The following MAPK8IP1 variants were observed in gnomAD, a reference collection of about 807,000 sequenced individuals.
The protein encoded by MAPK8IP1 is mitogen-activated protein kinase 8 interacting protein 1.
MAPK8IP1 carries 17 observed loss-of-function variants against 72.6 expected under a neutral mutation model. The observed-to-expected ratio is 0.23, with a 90% CI of 0.16 to 0.35. The LOEUF (loss-of-function observed/expected upper bound fraction) is 0.35. MAPK8IP1 is among the 10% of genes least tolerant of loss of function. The pLI, the probability that MAPK8IP1 is intolerant of heterozygous loss-of-function variation, is 1.00. For synonymous variants in MAPK8IP1, 401 were observed against 443.4 expected (o/e 0.90, Z 1.20); for missense variants, 789 against 1,009.7 (o/e 0.78, Z 2.96).
Position 45,902,481 on chromosome 11 carries a change from C to T in MAPK8IP1, c.714C>T (p.Arg238=), listed in dbSNP as rs1056151773. ...GCACCTCCACCGACAGCCCTTGCCG[C>T]CGCAGCACAGCCACCCAGATGGCAC... ...DRGTSTDSPC[R]RSTATQMAPP... The change falls in exon 5 of 12, where the codon CGC becomes CGT. Residue 238 remains arginine, a synonymous_variant. Transcript: ENST00000241014. This position sits in a 1 kb window ranked among gnomAD's most constrained non-coding sequence, Gnocchi z 9.3. 2.5e-6 allele frequency: 4 copies of T among 1,605,458 alleles called. No individual in the cohort carries two copies. Among genetic ancestry groups the T allele is most frequent in the Non-Finnish European group, 2.5e-6 (3 of 1,176,770 alleles).
intron 1 of MAPK8IP1, chr11:45,896,689 C>G (rs1422607685): frequency 7.1e-7 from 1 of 1,409,278 alleles, no homozygotes. Flanking sequence ...GCAGCTGCAG[C>G]CTCCTCTCCT....
Position 45,906,126 on chromosome 11 carries a change from G to C in MAPK8IP1, c.*405G>C, listed in dbSNP as rs1198494102. On this transcript the variant is annotated 3_prime_UTR_variant, in exon 12 of 12. Transcript: ENST00000241014. The stretch of plus-strand genomic sequence containing the variant: ...TGCCTTGATGAAGCCTGTGCCACCT[G>C]CAAGTGCCCGCCCTGCCCCTGCCCC... 1 of 375,644 alleles carries C rather than the reference G, an allele frequency of 2.7e-6. No homozygotes were observed. The highest frequency in any genetic ancestry group is 5.2e-5 in the East Asian group (1 of 19,316). 23.3% of individuals were successfully genotyped at this position (375,644 alleles called of 1,614,324 possible).
rs1389868582 is a variant in MAPK8IP1, at chr11:45,904,382, C to T, written c.1667-73C>T. 11 of 1,343,568 alleles carry T rather than the reference C, an allele frequency of 8.2e-6. No homozygotes were observed. Among genetic ancestry groups the T allele is most frequent in the Non-Finnish European group, 1.2e-5 (11 of 944,408 alleles). The allele number at this position is 1,343,568 out of a possible 1,614,324, so 83.2% of individuals were successfully genotyped here. ...GCTCTGCCATTCCCCGTGCCTCACCCACCCTCCTTCACTTGGCTGCTCAGC... is the reference window on the plus strand; with the variant it reads ...GCTCTGCCATTCCCCGTGCCTCACCTACCCTCCTTCACTTGGCTGCTCAGC... On this transcript the variant is annotated intron_variant, in intron 7 of 11. Transcript: ENST00000241014. This position sits in a 1 kb window ranked among gnomAD's most constrained non-coding sequence, Gnocchi z 6.4.
chr11:45,893,057 A>C (rs909302491), intron 1 of MAPK8IP1, among the ~76,000 whole-genome samples: 3 of 152,184 alleles, frequency 2.0e-5, no homozygotes, highest in African/African-American at 7.2e-5. Flanking sequence ...GCCAGGACCC[A>C]AGGTCAATCA....
At chr11:45,897,824 A>G (rs113370425) in intron 1 of MAPK8IP1, among the ~76,000 whole-genome samples, 2,186 of 152,266 alleles carry the variant, frequency 0.014, 53 homozygotes, top group African/African-American at 0.05. Context: ...TGGCAACAGA[A>G]TGACAGCTTC....
chr11:45,887,955 G>C (rs1270228505), intron 1 of MAPK8IP1, among the ~76,000 whole-genome samples: 1 of 152,210 alleles, frequency 6.6e-6, no homozygotes, highest in African/African-American at 2.4e-5. Flanking sequence ...GTGGCTCTTT[G>C]GTGGAGTCAT....
At chr11:45,890,817 T>C (rs2086561067) in intron 1 of MAPK8IP1, among the ~76,000 whole-genome samples, 1 of 152,114 alleles carries the variant, frequency 6.6e-6, no homozygotes. Context: ...GTCAGTCGGT[T>C]TTGGGTCTGG....
At chr11:45,888,644 T>A (rs1462110978) in intron 1 of MAPK8IP1, among the ~76,000 whole-genome samples, 3 of 152,150 alleles carry the variant, frequency 2.0e-5, no homozygotes, top group Non-Finnish European at 4.4e-5. Context: ...TTATAGTGGT[T>A]GGTTACCTTT....
chr11:45,899,024 G>A (rs751713727), intron 2 of MAPK8IP1, among the ~76,000 whole-genome samples: 5 of 152,204 alleles, frequency 3.3e-5, no homozygotes, highest in Admixed American at 6.5e-5. Context: ...GGAGCGTGAG[G>A]TGTGCCTTGG....
In MAPK8IP1 at chr11:45,905,550, C is replaced by T. The variant is rs562181627; in HGVS notation, c.2064-99C>T. The T allele has an allele frequency of 2.4e-3, 2,633 of 1,088,222 alleles. 6 individuals carry two copies. The highest frequency in any genetic ancestry group is 3.5e-3 in the Non-Finnish European group (2,451 of 703,626). The allele number at this position is 1,088,222 out of a possible 1,614,324, so 67.4% of individuals were successfully genotyped here. ...CCCAGCCAGAGGAACCAGAGCTGCACTTGGGCCCCAAGGCTCCAGCGGGAA... is the reference window on the plus strand; with the variant it reads ...CCCAGCCAGAGGAACCAGAGCTGCATTTGGGCCCCAAGGCTCCAGCGGGAA... On this transcript the variant is annotated intron_variant, in intron 11 of 11. Transcript: ENST00000241014.
Position 45,885,979 on chromosome 11 carries a change from C to T in MAPK8IP1, c.101+58C>T. 35 of 1,117,918 alleles carry T rather than the reference C, an allele frequency of 3.1e-5. 1 individual carries two copies. The highest frequency in any genetic ancestry group is 4.2e-5 in the Non-Finnish European group (35 of 837,602). The allele number at this position is 1,117,918 out of a possible 1,614,324, so 69.2% of individuals were successfully genotyped here. A position where few individuals can be genotyped will look rare whatever the true frequency, so the allele number is the denominator to read the frequency against. ...TTCAGCGGGGACTGATCCGCATTGG[C>T]TGCCCTGCCCGCCCCCCACCCCAGA... On this transcript the variant is annotated intron_variant, in intron 1 of 11. Coordinates refer to ENST00000241014, the MANE Select transcript of MAPK8IP1 (RefSeq NM_005456.4).
intron 1 of MAPK8IP1, among the ~76,000 whole-genome samples, chr11:45,893,402 G>T (rs1013276421): frequency 6.6e-6 from 1 of 152,152 alleles, no homozygotes; most frequent in Middle Eastern, 3.2e-3. Context: ...AGCTGGTATG[G>T]CGAGAACAGT....
intron 1 of MAPK8IP1, among the ~76,000 whole-genome samples, chr11:45,891,556 G>A (rs1261482731): frequency 1.3e-5 from 2 of 152,176 alleles, no homozygotes; most frequent in Non-Finnish European, 2.9e-5. Context: ...AGGCAGCCCA[G>A]CAGCAGACGG....
chr11:45,903,033 C>T lies in MAPK8IP1; in HGVS notation c.1266C>T (p.Pro422=), dbSNP rs748884068. 11 of 1,611,602 alleles carry T rather than the reference C, an allele frequency of 6.8e-6. No individual in the cohort carries two copies. In the African/African-American group the frequency reaches 1.2e-4, roughly 18 times the overall value. ...VYDNCASVSS[P]YESAIGEEYE... ...ACAACTGTGCCTCCGTCTCCTCGCC[C>T]TATGAGTCGGCCATCGGAGAGGAAT... Residue 422 remains proline, a synonymous_variant, in exon 5 of 12, where the codon CCC becomes CCT. Transcript: ENST00000241014. This position sits in a 1 kb window ranked among gnomAD's most constrained non-coding sequence, Gnocchi z 6.4.
At chr11:45,892,497 C>T (rs192324574) in intron 1 of MAPK8IP1, among the ~76,000 whole-genome samples, 3,028 of 152,232 alleles carry the variant, frequency 0.02, 62 homozygotes, top group Non-Finnish European at 0.027. Flanking sequence ...CACCGCGGGC[C>T]GCATAACCCA....
chr11:45,900,102 G>C lies in MAPK8IP1; in HGVS notation c.208-36G>C. The stretch of plus-strand genomic sequence containing the variant: ...TGCAAGCGGCCTCGGCCCCGCCCCG[G>C]CCCCGCCCCCTGACGCCCCTCCGTG... On this transcript the variant is annotated intron_variant, in intron 2 of 11. Coordinates refer to ENST00000241014, the MANE Select transcript of MAPK8IP1 (RefSeq NM_005456.4). This position sits in a 1 kb window ranked among gnomAD's most constrained non-coding sequence, Gnocchi z 6.5. The C allele has an allele frequency of 1.7e-6, 2 of 1,181,374 alleles. No homozygotes were observed. Among genetic ancestry groups the C allele is most frequent in the Non-Finnish European group, 2.1e-6 (2 of 953,428 alleles). The allele number at this position is 1,181,374 out of a possible 1,614,324, so 73.2% of individuals were successfully genotyped here.
intron 1 of MAPK8IP1, 116 bp downstream of exon 1, chr11:45,886,037 G>A (rs1219444030): frequency 1.7e-6 from 1 of 587,172 alleles, no homozygotes. Context: ...AGGGCTGCGT[G>A]GGAGTGGGGT....
chr11:45,890,388 T>C (rs1034117605), intron 1 of MAPK8IP1, among the ~76,000 whole-genome samples: 1 of 152,238 alleles, frequency 6.6e-6, no homozygotes, highest in African/African-American at 2.4e-5. Context: ...CGATAGCTGA[T>C]GAGCTAAAAC....
Position 45,903,563 on chromosome 11 carries a change from GCCC to G in MAPK8IP1, c.1493+124_1493+126del. 4.8e-6 allele frequency: 4 copies of G among 831,706 alleles called. No homozygotes were observed. The Admixed American group carries it at 8.0e-5, about 17-fold the overall frequency. 51.5% of individuals were successfully genotyped at this position (831,706 alleles called of 1,614,324 possible). On this transcript the variant is annotated intron_variant, in intron 6 of 11. Coordinates refer to ENST00000241014, the MANE Select transcript of MAPK8IP1 (RefSeq NM_005456.4). The surrounding 1 kb of genome is among the most constrained non-coding windows in gnomAD (Gnocchi z 6.4). ...CCATCAGCCTTCATTTATCCACTCA[GCCC>G]TGGGAGGACAGTGTCCACTCTCTAG...
Sources: gnomAD v4.1 joint callset for allele counts (sites outside exome capture counted in the v4.1 genomes callset) on GRCh38, gnomAD v4.1.1 for gene constraint, Gnocchi (gnomAD v3.1) non-coding constraint, MANE v1.5 for transcripts, NCBI Gene and HGNC (gene_info 2026-07-23, HGNC 2026-07-21) for gene names.